The following NRCAM variants were observed in gnomAD, a reference collection of about 807,000 sequenced individuals.
NRCAM encodes neuronal cell adhesion molecule.
Under a neutral mutation model 156.5 loss-of-function variants are expected in NRCAM, and 83 were observed. The observed-to-expected ratio is 0.53, with a 90% CI of 0.44 to 0.64. The LOEUF is 0.64. Ranked by LOEUF, NRCAM falls within the 30% of genes least tolerant of loss-of-function variation. The pLI is 0.00. For synonymous variants in NRCAM, 538 were observed against 563.9 expected (o/e 0.95, Z 0.65); for missense variants, 1,417 against 1,597.3 (o/e 0.89, Z 1.92).
chr7:108,450,257 C>CTTT (rs11316439), intron 1 of NRCAM, among the ~76,000 whole-genome samples: 11 of 144,976 alleles, frequency 7.6e-5, no homozygotes, highest in Non-Finnish European at 1.1e-4. Flanking sequence ...TTACCACTGG[C>CTTT]TTTTTTTTTT....
At chr7:108,274,438 T>C (rs1379887936) in intron 3 of NRCAM, among the ~76,000 whole-genome samples, 1 of 152,220 alleles carries the variant, frequency 6.6e-6, no homozygotes, top group Non-Finnish European at 1.5e-5. Flanking sequence ...GTAGTTCTCC[T>C]TGAAGAGGTC....
At chr7:108,307,257 G>A (rs1329532849) in intron 3 of NRCAM, among the ~76,000 whole-genome samples, 1 of 152,230 alleles carries the variant, frequency 6.6e-6, no homozygotes, top group Non-Finnish European at 1.5e-5. Context: ...GCGGCTTAAG[G>A]AGGCATCCCA....
chr7:108,231,317 T>A (rs2094301312), intron 7 of NRCAM, among the ~76,000 whole-genome samples, 164 bp from the exon 8 acceptor site: 1 of 152,076 alleles, frequency 6.6e-6, no homozygotes, highest in Non-Finnish European at 1.5e-5. Flanking sequence ...AAGAAAAAAG[T>A]AAAAATTTAA....
At chr7:108,344,216 C>G (rs895500515) in intron 2 of NRCAM, among the ~76,000 whole-genome samples, 1 of 152,168 alleles carries the variant, frequency 6.6e-6, no homozygotes, top group Non-Finnish European at 1.5e-5. Context: ...AATCCCTAAG[C>G]CTAGCTGGGA....
Position 108,191,812 on chromosome 7 carries a change from C to A in NRCAM, c.1820G>T (p.Ser607Ile). 6.2e-7 allele frequency: 1 copy of A among 1,613,574 alleles called. No homozygotes were observed. Among genetic ancestry groups the A allele is most frequent in the Non-Finnish European group, 8.5e-7 (1 of 1,179,870 alleles). ...CGTGTAGGTCCCGCTGTCATCGTCA[C>A]TGACATCAGCTACCACTAGATGATC... The part of the protein sequence containing the change: ...DKDHLVVADV[S>I]DDDSGTYTCV... Residue 607 changes from serine to isoleucine, a missense_variant, in exon 18 of 33, where the codon AGT (serine) becomes ATT (isoleucine). By Grantham distance (142) the Ser-to-Ile change is moderately radical. Coordinates refer to ENST00000379028, the MANE Select transcript of NRCAM (RefSeq NM_001037132.4).
At chr7:108,358,947 G>C (rs1025050172) in intron 2 of NRCAM, among the ~76,000 whole-genome samples, 1 of 152,192 alleles carries the variant, frequency 6.6e-6, no homozygotes, top group Non-Finnish European at 1.5e-5. Context: ...GGGTTGTCAT[G>C]CTTTTCAGAT....
intron 2 of NRCAM, among the ~76,000 whole-genome samples, chr7:108,338,168 C>A (rs775499960): frequency 6.6e-6 from 1 of 152,232 alleles, no homozygotes; most frequent in Non-Finnish European, 1.5e-5. Flanking sequence ...GATCATGGCG[C>A]AGCCAGAAGT....
chr7:108,352,175 T>G (rs889323857), intron 2 of NRCAM, among the ~76,000 whole-genome samples: 1 of 152,334 alleles, frequency 6.6e-6, no homozygotes, highest in Admixed American at 6.5e-5. Context: ...AGCTTACAAA[T>G]TTAGGTTGCC....
In NRCAM at chr7:108,196,104, T is replaced by C. The variant is rs189205706; in HGVS notation, c.1352-232A>G. Among the ~76,000 whole-genome samples the C allele has an allele frequency of 2.6e-5, 4 of 152,302 alleles. No individual in the cohort carries two copies. In the East Asian group the frequency reaches 7.7e-4, roughly 29 times the overall value. ...ACTTGCTCAGACATCATTTTGGTTGTTGATTTACTGTGAGTCCACTGCAGT... is the reference window on the plus strand; with the variant it reads ...ACTTGCTCAGACATCATTTTGGTTGCTGATTTACTGTGAGTCCACTGCAGT... On this transcript the variant is annotated intron_variant, in intron 14 of 32. Coordinates refer to ENST00000379028, the MANE Select transcript of NRCAM (RefSeq NM_001037132.4).
rs572939394 is a variant in NRCAM at position 108,175,969 on chromosome 7, T to C, written c.3151+461A>G. 4.0e-4 allele frequency among the ~76,000 whole-genome samples: 61 copies of C among 152,272 alleles called. 1 individual carries two copies. The highest frequency in any genetic ancestry group is 7.7e-4 in the East Asian group (4 of 5,192). On this transcript the variant is annotated intron_variant, in intron 27 of 32. Transcript: ENST00000379028. Reference sequence around the variant, plus strand: ...CGATTTCCTTGCTAGAAAATGTAAATTGATATGTGAACTAGAAAATTTTTT... The same window carrying C: ...CGATTTCCTTGCTAGAAAATGTAAACTGATATGTGAACTAGAAAATTTTTT...
chr7:108,207,877 A>G (rs1392405714), intron 12 of NRCAM, among the ~76,000 whole-genome samples: 1 of 152,150 alleles, frequency 6.6e-6, no homozygotes, highest in Non-Finnish European at 1.5e-5. Flanking sequence ...TTATTTCTAG[A>G]CCTGTTTGAT....
intron 2 of NRCAM, among the ~76,000 whole-genome samples, chr7:108,349,716 C>T (rs1259925101): frequency 6.6e-6 from 1 of 152,048 alleles, no homozygotes; most frequent in East Asian, 1.9e-4. Context: ...GAAGCACTCC[C>T]CCTCACAATA....
At position 108,434,541 on chromosome 7, in the gene NRCAM, T is replaced by TACACACACACAC. The variant is rs141756969; in HGVS notation, c.-332+21690_-332+21701dup. Among the ~76,000 whole-genome samples, 1,110 of 141,214 alleles carry TACACACACACAC rather than the reference T, an allele frequency of 7.9e-3. 19 individuals are homozygous for TACACACACACAC. Among genetic ancestry groups the TACACACACACAC allele is most frequent in the African/African-American group, 0.028 (1,043 of 37,888 alleles). The allele number at this position is 141,214 out of a possible 152,430, so 92.6% of individuals were successfully genotyped here. On this transcript the variant is annotated intron_variant, in intron 1 of 32. Transcript: ENST00000379028. The stretch of plus-strand genomic sequence containing the variant: ...CTACATACCCATGGCCAATGGAATG[T>TACACACACACAC]ACACACACACACACACACACACACA...
In NRCAM at chr7:108,237,789, A is replaced by T. The variant is rs2095218033; in HGVS notation, c.107-20T>A. ...GTTTTGCTTTTTCCCCATCAATATCAGCAGGTAAGTGGGCAAAGAGGATTA... is the reference window on the plus strand; with the variant it reads ...GTTTTGCTTTTTCCCCATCAATATCTGCAGGTAAGTGGGCAAAGAGGATTA... On this transcript the variant is annotated intron_variant, in intron 4 of 32. Transcript: ENST00000379028. 6.3e-7 allele frequency: 1 copy of T among 1,586,522 alleles called. No homozygotes were observed. Among genetic ancestry groups the T allele is most frequent in the East Asian group, 2.3e-5 (1 of 44,058 alleles).
At chr7:108,175,673 T>A (rs568189207) in intron 27 of NRCAM, among the ~76,000 whole-genome samples, 3 of 152,182 alleles carry the variant, frequency 2.0e-5, no homozygotes, top group Non-Finnish European at 2.9e-5. Context: ...TGGATAGAAA[T>A]TGTCAATTTT....
intron 5 of NRCAM, among the ~76,000 whole-genome samples, chr7:108,235,888 CT>C: frequency 6.6e-6 from 1 of 152,304 alleles, no homozygotes; most frequent in East Asian, 1.9e-4. Flanking sequence ...CTTGGCACCC[CT>C]GGAGCTGTGC....
In NRCAM at chr7:108,223,791, C is replaced by T. The variant is rs2092891760; in HGVS notation, c.824G>A (p.Gly275Asp). 6.2e-7 allele frequency: 1 copy of T among 1,611,594 alleles called. No individual in the cohort carries two copies. Among genetic ancestry groups the T allele is most frequent in the Non-Finnish European group, 8.5e-7 (1 of 1,178,012 alleles). ...TAATTCCTCTTTGTTACTTGCATTG[C>T]CTTCTGGAGTTAAAAATGTTGGTGG... ...ERPPTFLTPE[G>D]NASNKEELRG... The change falls in exon 11 of 33, where the codon GGC (glycine) becomes GAC (aspartate). Residue 275 changes from glycine to aspartate, a missense_variant. Around this residue, in one of 2 missense-constraint regions of NRCAM, gnomAD observed 1,238 missense variants for 1,336.4 expected, o/e 0.93. Transcript: ENST00000379028.
chr7:108,360,305 C>T (rs1595050973), intron 2 of NRCAM, among the ~76,000 whole-genome samples: 1 of 152,044 alleles, frequency 6.6e-6, no homozygotes, highest in Non-Finnish European at 1.5e-5. Flanking sequence ...AAGGCCTAGG[C>T]TTAATCAGCT....
At chr7:108,287,076 T>C (rs1484431926) in intron 3 of NRCAM, among the ~76,000 whole-genome samples, 3 of 152,066 alleles carry the variant, frequency 2.0e-5, no homozygotes, top group African/African-American at 2.4e-5. Context: ...TGGACCCCTA[T>C]TTCTTACCAT....
Sources: allele counts gnomAD v4.1 joint callset (sites outside exome capture counted in the v4.1 genomes callset), GRCh38; gene constraint gnomAD v4.1.1; regional missense constraint gnomAD v4.1.1; transcripts MANE v1.5; gene names NCBI Gene and HGNC (gene_info 2026-07-23, HGNC 2026-07-21).